The following RIPK3 variants were observed in gnomAD, a reference collection of about 807,000 sequenced individuals.
RIPK3 encodes the protein receptor-interacting serine/threonine-protein kinase 3.
Under a neutral mutation model 51.6 loss-of-function variants are expected in RIPK3, and 51 were observed. The observed-to-expected ratio is 0.99, with a 90% CI of 0.79 to 1.25. The LOEUF is 1.25. RIPK3 is among the 50% of genes most tolerant of loss of function. The probability of loss-of-function intolerance (pLI) is 0.00; values close to 1 mark genes in which losing one functional copy is unlikely to be tolerated. For synonymous variants in RIPK3, 246 were observed against 257.7 expected, an observed-to-expected ratio of 0.95 and a Z score of 0.44; for missense variants, 654 against 650.4, an observed-to-expected ratio of 1.01 and a Z score of -0.06.
At chr14:24,338,650 G>T (rs2042159584) in intron 3 of RIPK3, 83 bp from the exon 4 acceptor site, 3 of 1,513,576 alleles carry the variant, frequency 2.0e-6, no homozygotes, top group Non-Finnish European at 2.7e-6. Flanking sequence ...CCCAGAAGGT[G>T]CAGGTTCAGC....
rs2042165888 is a variant in RIPK3 at position 24,339,264 on chromosome 14, G to A, written c.222C>T (p.Arg74=). 1.2e-6 allele frequency: 2 copies of A among 1,614,084 alleles called. No individual in the cohort carries two copies. The highest frequency in any genetic ancestry group is 2.2e-5 in the South Asian group (2 of 91,088). The change falls in exon 3 of 10, where the codon CGC becomes CGT. Residue 74 remains arginine, a synonymous_variant. Transcript: ENST00000216274. This position sits in a 1 kb window ranked among gnomAD's most constrained non-coding sequence, Gnocchi z 4.0. ...TCACCTTCTCGATAACCCCTTCTAG[G>A]CGCAGCACGAATTCGTTATCCAGAC... The part of the protein sequence containing the change: ...MASLDNEFVL[R]LEGVIEKVNW...
At chr14:24,336,741 T>C in intron 9 of RIPK3, 144 bp downstream of exon 9, 1 of 868,846 alleles carries the variant, frequency 1.2e-6, no homozygotes. Flanking sequence ...GGGTGTCGGT[T>C]TTCCCATTTA....
chr14:24,338,478 G>C lies in RIPK3; in HGVS notation c.561C>G (p.Ala187=). The C allele has an allele frequency of 6.2e-7, 1 of 1,613,928 alleles. No individual in the cohort carries two copies. The highest frequency in any genetic ancestry group is 2.2e-5 in the East Asian group (1 of 44,876). ...GEPGGTLGYL[A]PELFVNVNRK... is the part of the protein sequence containing the mutation. ...GGTTTACGTTAACAAACAGTTCTGG[G>C]GCCAAGTAGCCCAGGGTGCCCCCTG... is the stretch of plus-strand genomic sequence containing the variant. The change falls in exon 4 of 10, where the codon GCC becomes GCG. Residue 187 remains alanine (A), a synonymous_variant. Coordinates refer to ENST00000216274, the MANE Select transcript of RIPK3 (RefSeq NM_006871.4).
chr14:24,338,727 G>T, intron 3 of RIPK3, 160 bp from the exon 4 acceptor site: 2 of 1,020,962 alleles, frequency 2.0e-6, no homozygotes, highest in Non-Finnish European at 2.8e-6. Flanking sequence ...GTGCCTTGTG[G>T]TAGGGCTAGG....
rs2139238640 is a variant in RIPK3 at position 24,336,872 on chromosome 14, A to C, written c.1336+13T>G. ...AATTGAACAGGGAAAAGAAAGAGGT[A>C]GAGAATGGGTACCTGTTACTGGATT... is the stretch of plus-strand genomic sequence containing the variant. On this transcript the variant is annotated intron_variant, in intron 9 of 9. Coordinates refer to ENST00000216274, the MANE Select transcript of RIPK3 (RefSeq NM_006871.4). 8.1e-6 allele frequency: 13 copies of C among 1,601,854 alleles called. No individual in the cohort carries two copies. The highest frequency in any genetic ancestry group is 1.1e-5 in the South Asian group (1 of 90,834).
In RIPK3 at chr14:24,339,169, A is replaced by C; in HGVS notation, c.317T>G (p.Leu106Arg). ...CCAGGGCCGAGGGCACTGGGACTGC[A>C]GCAGCCCCGACAAGGAGCCGTTCTC... ...FMENGSLSGL[L>R]QSQCPRPWPL... Residue 106 changes from leucine (L) to arginine (R), a missense_variant, in exon 3 of 10, where the codon CTG becomes CGG. Physicochemically the swap from Leu to Arg is moderately radical, Grantham distance 102 (BLOSUM62 -2). Coordinates refer to ENST00000216274, the MANE Select transcript of RIPK3 (RefSeq NM_006871.4). This position sits in a 1 kb window ranked among gnomAD's most constrained non-coding sequence, Gnocchi z 4.0. 6.2e-7 allele frequency: 1 copy of C among 1,614,256 alleles called. No individual in the cohort carries two copies. Among genetic ancestry groups the C allele is most frequent in the South Asian group, 1.1e-5 (1 of 91,088 alleles).
chr14:24,338,659 G>C, intron 3 of RIPK3, 92 bp from the exon 4 acceptor site: 1 of 1,497,626 alleles, frequency 6.7e-7, no homozygotes, highest in Non-Finnish European at 9.0e-7. Context: ...TGCAGGTTCA[G>C]CTTTGTAAAG....
intron 8 of RIPK3, 27 bp downstream of exon 8, chr14:24,337,059 C>T: frequency 1.2e-6 from 2 of 1,610,844 alleles, no homozygotes; most frequent in Non-Finnish European, 1.7e-6. Flanking sequence ...ACTCTTAGTG[C>T]ATCCCCTAAT....
chr14:24,338,756 G>A (rs2139241350), intron 3 of RIPK3, 189 bp from the exon 4 acceptor site: 1 of 838,756 alleles, frequency 1.2e-6, no homozygotes. Flanking sequence ...TGAGTCTCCA[G>A]GGCTGGGTCA....
Position 24,337,211 on chromosome 14 carries a change from T to C in RIPK3, c.1150A>G (p.Thr384Ala), listed in dbSNP as rs1411546537. 3 of 1,613,890 alleles carry C rather than the reference T, an allele frequency of 1.9e-6. No homozygotes were observed. The highest frequency in any genetic ancestry group is 1.7e-5 in the Admixed American group (1 of 60,016). ...ATCGAATCTGAAGATGTGCCTGCTGTCCAGGCTTGTGGAACCTGCTCCTCT... is the reference window on the plus strand; with the variant it reads ...ATCGAATCTGAAGATGTGCCTGCTGCCCAGGCTTGTGGAACCTGCTCCTCT... ...AQEEQVPQAWTAGTSSDSMAQ... is the reference protein window; with the variant it reads ...AQEEQVPQAWAAGTSSDSMAQ... Residue 384 changes from threonine (T) to alanine (A), a missense_variant, in exon 8 of 10, where the codon ACA becomes GCA. Physicochemically the swap from Thr to Ala is moderately conservative, Grantham distance 58. Coordinates refer to ENST00000216274, the MANE Select transcript of RIPK3 (RefSeq NM_006871.4).
rs555789243 is a variant in RIPK3 at position 24,337,385 on chromosome 14, C to T, written c.976G>A (p.Glu326Lys). 1 of 1,614,110 alleles carries T rather than the reference C, an allele frequency of 6.2e-7. No individual in the cohort carries two copies. The highest frequency in any genetic ancestry group is 1.7e-5 in the Admixed American group (1 of 60,026). Residue 326 changes from glutamate to lysine, a missense_variant, in exon 8 of 10, where the codon GAA (glutamate) becomes AAA (lysine). Physicochemically the swap from Glu to Lys is moderately conservative, Grantham distance 56. Coordinates refer to ENST00000216274, the MANE Select transcript of RIPK3 (RefSeq NM_006871.4). ...SIPESGQGGT[E>K]MDGFRRTIEN... ...ATGGTTCTCCTAAAGCCATCCATTT[C>T]TGTCCCTCCTTGGCCTGACTCTGGG...
intron 3 of RIPK3, 151 bp from the exon 4 acceptor site, chr14:24,338,718 T>TGGCC: frequency 8.9e-7 from 1 of 1,120,084 alleles, no homozygotes; most frequent in Non-Finnish European, 1.3e-6. Flanking sequence ...TAGATCTAGG[T>TGGCC]GCCTTGTGGT....
rs762935119 is a variant in RIPK3, at chr14:24,338,584, G to A, written c.472-17C>T. The A allele has an allele frequency of 6.3e-7, 1 of 1,589,502 alleles. No individual in the cohort carries two copies. Among genetic ancestry groups the A allele is most frequent in the Non-Finnish European group, 8.6e-7 (1 of 1,161,766 alleles). On this transcript the variant is annotated splice_polypyrimidine_tract_variant and intron_variant, in intron 3 of 9. Coordinates refer to ENST00000216274, the MANE Select transcript of RIPK3 (RefSeq NM_006871.4). The stretch of plus-strand genomic sequence containing the variant: ...ATCTGCCAGCTGCAAAGGAAGGAAA[G>A]AAGTGGGAGGTAGGGAAGACAAGGG...
intron 9 of RIPK3, chr14:24,336,654 T>G (rs534724393): frequency 1.1e-5 from 7 of 665,730 alleles, no homozygotes; most frequent in Non-Finnish European, 1.8e-5. Context: ...CTCACAGAGC[T>G]GGTGTTGTGG....
rs777702898 is a variant in RIPK3 at position 24,339,438 on chromosome 14, G to T, written c.161+19C>A. 7.4e-6 allele frequency: 12 copies of T among 1,614,052 alleles called. No homozygotes were observed. The highest frequency in any genetic ancestry group is 1.6e-4 in the Middle Eastern group (1 of 6,084). On this transcript the variant is annotated intron_variant, in intron 2 of 9. Coordinates refer to ENST00000216274, the MANE Select transcript of RIPK3 (RefSeq NM_006871.4). This position sits in a 1 kb window ranked among gnomAD's most constrained non-coding sequence, Gnocchi z 4.0. The stretch of plus-strand genomic sequence containing the variant: ...CCTTTTTGGCCAGATTGCGGCTGGG[G>T]TCAACCGGGGTCACTCACGAGTTTA...
chr14:24,338,606 A>G, intron 3 of RIPK3, 39 bp from the exon 4 acceptor site: 2 of 1,570,438 alleles, frequency 1.3e-6, no homozygotes, highest in Non-Finnish European at 8.7e-7. Flanking sequence ...AGGGAAGACA[A>G]GGGGGCCAGA....
At chr14:24,338,726 G>T in intron 3 of RIPK3, 159 bp from the exon 4 acceptor site, 2 of 1,021,464 alleles carry the variant, frequency 2.0e-6, no homozygotes, top group South Asian at 1.7e-5. Flanking sequence ...GGTGCCTTGT[G>T]GTAGGGCTAG....
At position 24,337,769 on chromosome 14, in the gene RIPK3, G is replaced by T; in HGVS notation, c.833-7C>A. 6.2e-7 allele frequency: 1 copy of T among 1,613,988 alleles called. No individual in the cohort carries two copies. On this transcript the variant is annotated splice_region_variant and splice_polypyrimidine_tract_variant and intron_variant, in intron 6 of 9. Transcript: ENST00000216274. ...TCAGTTTTTGGTAGGCATTCTAGAG[G>T]GACAGCAGAGTGGAGTGCAGGTGAG...
Position 24,338,558 on chromosome 14 carries a change from A to C in RIPK3, c.481T>G (p.Phe161Val). 6.3e-7 allele frequency: 1 copy of C among 1,598,356 alleles called. No homozygotes were observed. The highest frequency in any genetic ancestry group is 1.7e-5 in the Admixed American group (1 of 59,046). ...CCTCCCTGAAATGTGGACAGGCCAA[A>C]ATCTGCCAGCTGCAAAGGAAGGAAA... ...DPELHVKLAD[F>V]GLSTFQGGSQ... is the part of the protein sequence containing the mutation. The change falls in exon 4 of 10, where the codon TTT becomes GTT. Residue 161 changes from phenylalanine (F) to valine (V), a missense_variant. Transcript: ENST00000216274.
Sources: allele counts gnomAD v4.1 joint callset, GRCh38; gene constraint gnomAD v4.1.1; non-coding constraint Gnocchi (gnomAD v3.1); transcripts MANE v1.5; gene names NCBI Gene and HGNC (gene_info 2026-07-23, HGNC 2026-07-21).